The following STPG2 variants were observed in gnomAD, a reference collection of about 807,000 sequenced individuals.
STPG2 encodes sperm-tail PG-rich repeat-containing protein 2.
Under a neutral mutation model 54.2 loss-of-function variants are expected in STPG2, and 56 were observed. The observed-to-expected ratio is 1.03, with a 90% CI of 0.83 to 1.29. The LOEUF (loss-of-function observed/expected upper bound fraction) is 1.29. Ranked by LOEUF, STPG2 falls within the 50% of genes most tolerant of loss-of-function variation. The pLI is 0.00. For missense variants in STPG2, 596 were observed against 544.9 expected, an observed-to-expected ratio of 1.09 and a Z score of -0.93; for synonymous variants, 200 against 181.8, an observed-to-expected ratio of 1.10 and a Z score of -0.81.
At position 98,143,132 on chromosome 4, in the gene STPG2, G is replaced by C. The variant is rs115261157; in HGVS notation, c.19C>G (p.Arg7Gly). 1.3e-4 allele frequency: 217 copies of C among 1,613,554 alleles called. No individual in the cohort carries two copies. The highest frequency in any genetic ancestry group is 1.8e-4 in the Non-Finnish European group (210 of 1,179,812). Reference sequence around the variant, plus strand: ...CCACCTTCAGCCAATTTGAGCAGGCGGGGAGCCCGATCATACATAGTGCTC... The same window carrying C: ...CCACCTTCAGCCAATTTGAGCAGGCCGGGAGCCCGATCATACATAGTGCTC... MYDRAP[R>G]LLKLAEGGST... The change falls in exon 1 of 11, where the codon CGC (arginine) becomes GGC (glycine). Residue 7 changes from arginine to glycine, a missense_variant. Physicochemically the swap from Arg to Gly is moderately radical, Grantham distance 125 (BLOSUM62 -2). Transcript: ENST00000295268.
Position 97,627,881 on chromosome 4 carries a change from A to T in STPG2, c.1321-68764T>A, listed in dbSNP as rs1560692018. On this transcript the variant is annotated intron_variant, in intron 10 of 10. Transcript: ENST00000295268. ...GAAACGGGGCTGATGGATAAGTTTT[A>T]GTTGGGAGTATGAGAAGACTGATGT... Among the ~76,000 whole-genome samples the T allele has an allele frequency of 2.6e-5, 4 of 152,110 alleles. No individual in the cohort carries two copies. In the South Asian group the frequency reaches 8.3e-4, roughly 32 times the overall value.
intron 5 of STPG2, among the ~76,000 whole-genome samples, chr4:97,990,314 G>A (rs1734962605): frequency 6.6e-6 from 1 of 152,008 alleles, no homozygotes; most frequent in South Asian, 2.1e-4. Context: ...GATTTAATAA[G>A]CCACTTAGAA....
At chr4:97,608,140 C>T (rs1245086071) in intron 10 of STPG2, among the ~76,000 whole-genome samples, 2 of 151,932 alleles carry the variant, frequency 1.3e-5, no homozygotes, top group Non-Finnish European at 2.9e-5. Flanking sequence ...AAAACAAGTG[C>T]AGTCGAGTCA....
At chr4:97,738,444 A>G (rs1725099354) in intron 9 of STPG2, among the ~76,000 whole-genome samples, 1 of 152,218 alleles carries the variant, frequency 6.6e-6, no homozygotes. Context: ...AAGACCAATC[A>G]GAGTGCTGTA....
At chr4:97,781,424 T>C (rs182224926) in intron 9 of STPG2, among the ~76,000 whole-genome samples, 1,600 of 152,236 alleles carry the variant, frequency 0.011, 26 homozygotes, top group African/African-American at 0.035. Context: ...GGCTCTGAAA[T>C]TGAGGCAATA....
intron 9 of STPG2, among the ~76,000 whole-genome samples, chr4:97,792,609 C>A (rs1215476726): frequency 6.6e-6 from 1 of 152,100 alleles, no homozygotes; most frequent in Non-Finnish European, 1.5e-5. Flanking sequence ...TATCAATGGT[C>A]TACTCAAAAC....
chr4:97,653,086 T>A (rs1722116342), intron 10 of STPG2, among the ~76,000 whole-genome samples: 1 of 144,062 alleles, frequency 6.9e-6, no homozygotes, highest in African/African-American at 2.6e-5. Flanking sequence ...GATAGATGAT[T>A]GATAGATGAT....
Position 97,656,764 on chromosome 4 carries a change from A to G in STPG2, c.1320+55935T>C, listed in dbSNP as rs571936989. ...TAGTTTTATGGAAATATTTAATGAG[A>G]TTTAATTAAATTTTAAGATTACTAA... On this transcript the variant is annotated intron_variant, in intron 10 of 10. Coordinates refer to ENST00000295268, the MANE Select transcript of STPG2 (RefSeq NM_174952.3). Among the ~76,000 whole-genome samples the G allele has an allele frequency of 2.6e-5, 4 of 151,616 alleles. No homozygotes were observed. The South Asian group carries it at 8.4e-4, about 32-fold the overall frequency.
In STPG2 at chr4:97,698,276, G is replaced by A. The variant is rs190163799; in HGVS notation, c.1320+14423C>T. On this transcript the variant is annotated intron_variant, in intron 10 of 10. Transcript: ENST00000295268. Reference sequence around the variant, plus strand: ...AGTTTCCCATTAAGCTTAATCACAGGGCATGGCAATACTAAGAGACGCCCT... The same window carrying A: ...AGTTTCCCATTAAGCTTAATCACAGAGCATGGCAATACTAAGAGACGCCCT... Among the ~76,000 whole-genome samples the A allele has an allele frequency of 2.3e-3, 342 of 151,886 alleles. 1 individual carries two copies. Among genetic ancestry groups the A allele is most frequent in the Non-Finnish European group, 3.3e-3 (227 of 67,950 alleles).
At chr4:97,524,679 C>G (rs1482629631) in intron 4 of STPG2, among the ~76,000 whole-genome samples, 1 of 151,912 alleles carries the variant, frequency 6.6e-6, no homozygotes, top group Non-Finnish European at 1.5e-5. Flanking sequence ...CAGCAATCCT[C>G]TTTTTTGGAG....
At chr4:97,937,009 A>T (rs551000126) in intron 8 of STPG2, among the ~76,000 whole-genome samples, 1 of 151,194 alleles carries the variant, frequency 6.6e-6, no homozygotes, top group Admixed American at 6.6e-5. Flanking sequence ...TCTTTCAAGT[A>T]CTCCAATCAG....
intron 9 of STPG2, among the ~76,000 whole-genome samples, chr4:97,766,285 G>T (rs535536866): frequency 3.4e-4 from 52 of 152,112 alleles, no homozygotes; most frequent in African/African-American, 1.2e-3. Flanking sequence ...ACGGAGGAAA[G>T]GATTTCTTTT....
In STPG2 at chr4:97,669,653, G is replaced by A. The variant is rs927990620; in HGVS notation, c.1320+43046C>T. Among the ~76,000 whole-genome samples the A allele has an allele frequency of 3.6e-5, 3 of 84,394 alleles. 1 individual carries two copies. The highest frequency in any genetic ancestry group is 6.8e-5 in the Non-Finnish European group (3 of 44,110). The allele number at this position is 84,394 out of a possible 152,430, so 55.4% of individuals were successfully genotyped here. The stretch of plus-strand genomic sequence containing the variant: ...CTACTAAAAATACAAAAAATTAGCC[G>A]GGCGCGGTGGCGGGCGCCTGTAGTC... On this transcript the variant is annotated intron_variant, in intron 10 of 10. Coordinates refer to ENST00000295268, the MANE Select transcript of STPG2 (RefSeq NM_174952.3).
At chr4:97,925,204 C>T (rs189608363) in intron 8 of STPG2, among the ~76,000 whole-genome samples, 1 of 152,310 alleles carries the variant, frequency 6.6e-6, no homozygotes, top group African/African-American at 2.4e-5. Flanking sequence ...TATAACCAGA[C>T]AGGCAATAGC....
chr4:98,027,030 A>G (rs2149296921), intron 5 of STPG2, among the ~76,000 whole-genome samples: 1 of 152,324 alleles, frequency 6.6e-6, no homozygotes, highest in South Asian at 2.1e-4. Flanking sequence ...TCTGGACCAC[A>G]TGAGTCTGTC....
intron 8 of STPG2, among the ~76,000 whole-genome samples, chr4:97,850,800 G>C (rs781694633): frequency 2.5e-4 from 38 of 152,230 alleles, no homozygotes; most frequent in Non-Finnish European, 3.8e-4. Context: ...CAAAAAAGTA[G>C]TTGCTTTACT....
chr4:98,036,419 A>G (rs1000872995), intron 5 of STPG2, among the ~76,000 whole-genome samples: 5 of 152,186 alleles, frequency 3.3e-5, no homozygotes, highest in African/African-American at 1.2e-4. Flanking sequence ...ATGACCATCA[A>G]AGATAGACTA....
chr4:97,797,904 G>T (rs1727253773), intron 9 of STPG2, among the ~76,000 whole-genome samples: 2 of 152,238 alleles, frequency 1.3e-5, no homozygotes, highest in Admixed American at 6.5e-5. Context: ...CTTCTTCCTG[G>T]TTTAGTCTTG....
At chr4:97,573,206 A>G (rs938681564) in intron 10 of STPG2, among the ~76,000 whole-genome samples, 2 of 152,016 alleles carry the variant, frequency 1.3e-5, no homozygotes, top group African/African-American at 4.8e-5. Flanking sequence ...TCTATAGCAA[A>G]CTTTTTATAA....
Sources: gnomAD v4.1 joint callset for allele counts (sites outside exome capture counted in the v4.1 genomes callset) on GRCh38, gnomAD v4.1.1 for gene constraint, MANE v1.5 for transcripts, NCBI Gene and HGNC (gene_info 2026-07-23, HGNC 2026-07-21) for gene names.